APP: variants seen among roughly 807,000 people sequenced by gnomAD.
The protein encoded by APP is amyloid-beta precursor protein.
APP carries 31 observed loss-of-function variants against 101.4 expected under a neutral mutation model. The ratio of observed to expected loss-of-function variants is 0.31; its 90% CI spans 0.23 to 0.41. The LOEUF (loss-of-function observed/expected upper bound fraction) is 0.41, where lower values mean the gene tolerates loss of function less well. Ranked by LOEUF, APP falls within the 10% of genes least tolerant of loss-of-function variation. APP has a pLI of 1.00. For missense variants in APP, 839 were observed against 1,003.7 expected (o/e 0.84, Z 2.22); for synonymous variants, 366 against 364.4 (o/e 1.00, Z -0.05).
At chr21:26,076,458 G>A (rs1300909095) in intron 3 of APP, among the ~76,000 whole-genome samples, 2 of 152,160 alleles carry the variant, frequency 1.3e-5, no homozygotes, top group East Asian at 3.9e-4. Flanking sequence ...ATCACATTGA[G>A]TTTGAAGTTC....
At chr21:25,967,064 A>G (rs564149704) in intron 11 of APP, among the ~76,000 whole-genome samples, 1 of 152,334 alleles carries the variant, frequency 6.6e-6, no homozygotes, top group South Asian at 2.1e-4. Context: ...CTCTTTAATG[A>G]AGAGTCTCAC....
rs1002908302 is a variant in APP at position 26,026,014 on chromosome 21, C to A, written c.663-3972G>T. Among the ~76,000 whole-genome samples, 5 of 152,326 alleles carry A rather than the reference C, an allele frequency of 3.3e-5. No homozygotes were observed. In the South Asian group the frequency reaches 6.2e-4, roughly 19 times the overall value. ...AGAAACACTGAAAGGAAAAAAATGA[C>A]TTTTCCACCACTTCTTCAAATGCTG... is the stretch of plus-strand genomic sequence containing the variant. On this transcript the variant is annotated intron_variant, in intron 5 of 17. Transcript: ENST00000346798.
intron 1 of APP, among the ~76,000 whole-genome samples, chr21:26,166,969 G>A (rs1320732934): frequency 6.7e-6 from 1 of 149,018 alleles, no homozygotes; most frequent in East Asian, 2.0e-4. Context: ...TGTCTGTCTG[G>A]TAGAGGCAGA....
At chr21:26,147,959 C>A (rs2830092) in intron 1 of APP, among the ~76,000 whole-genome samples, 14,222 of 152,006 alleles carry the variant, frequency 0.094, 895 homozygotes, top group Admixed American at 0.15. Flanking sequence ...ACCAAAGATA[C>A]ACAGTGATTT....
intron 14 of APP, among the ~76,000 whole-genome samples, chr21:25,907,401 AGT>A (rs2038849661): frequency 6.6e-6 from 1 of 152,236 alleles, no homozygotes; most frequent in Non-Finnish European, 1.5e-5. Flanking sequence ...AAAACAAAGT[AGT>A]GTGTTATTTC....
In APP at chr21:25,915,148, C is replaced by T. The variant is rs538642167; in HGVS notation, c.1688-3186G>A. On this transcript the variant is annotated intron_variant, in intron 13 of 17. Coordinates refer to ENST00000346798, the MANE Select transcript of APP (RefSeq NM_000484.4). Reference sequence around the variant, plus strand: ...TTTCTAGCCATGGAACTCACAGCTCCAGCTGTCTACACCACACCTCTCTCT... The same window carrying T: ...TTTCTAGCCATGGAACTCACAGCTCTAGCTGTCTACACCACACCTCTCTCT... Among the ~76,000 whole-genome samples the T allele has an allele frequency of 2.6e-4, 40 of 152,340 alleles. 2 individuals are homozygous for T. In the South Asian group the frequency reaches 7.7e-3, roughly 29 times the overall value.
At chr21:25,982,237 T>C in intron 9 of APP, 107 bp downstream of exon 9, 1 of 1,257,972 alleles carries the variant, frequency 7.9e-7, no homozygotes, top group Admixed American at 1.7e-5. Context: ...GAACTTTACA[T>C]CTTTAAAGAT....
chr21:26,003,773 T>G (rs1392673688), intron 6 of APP, among the ~76,000 whole-genome samples: 1 of 152,144 alleles, frequency 6.6e-6, no homozygotes, highest in African/African-American at 2.4e-5. Flanking sequence ...TTCCCCCAAT[T>G]GTCAGCAACC....
intron 17 of APP, among the ~76,000 whole-genome samples, chr21:25,885,956 C>G (rs1325971346): frequency 6.6e-6 from 1 of 152,056 alleles, no homozygotes; most frequent in Admixed American, 6.6e-5. Flanking sequence ...GGTGTGTGAG[C>G]TTGGAGGAGA....
At chr21:26,044,806 T>C (rs1436948273) in intron 5 of APP, among the ~76,000 whole-genome samples, 2 of 152,214 alleles carry the variant, frequency 1.3e-5, no homozygotes, top group Non-Finnish European at 2.9e-5. Flanking sequence ...CCCAAAGTGC[T>C]GGGATTACAG....
intron 11 of APP, among the ~76,000 whole-genome samples, chr21:25,970,849 C>T (rs970923593): frequency 2.0e-5 from 3 of 152,026 alleles, no homozygotes; most frequent in Non-Finnish European, 2.9e-5. Context: ...TTAACGGCTC[C>T]TCATGGCTTT....
At chr21:26,120,050 T>G (rs2062530351) in intron 1 of APP, among the ~76,000 whole-genome samples, 1 of 152,340 alleles carries the variant, frequency 6.6e-6, no homozygotes, top group African/African-American at 2.4e-5. Flanking sequence ...TACTGTTTTA[T>G]ATCAAATGTA....
chr21:25,941,790 T>C (rs1020905715), intron 13 of APP: 18 of 152,212 alleles, frequency 1.2e-4, no homozygotes. Flanking sequence ...TATGATTTAA[T>C]AGCCAGCAGC....
intron 9 of APP, among the ~76,000 whole-genome samples, chr21:25,980,196 T>A (rs1311542938): frequency 1.3e-5 from 2 of 152,132 alleles, no homozygotes; most frequent in African/African-American, 4.8e-5. Context: ...GAAGAGGTGG[T>A]AGGAAGACCA....
At chr21:25,952,491 A>G (rs181981041) in intron 13 of APP, among the ~76,000 whole-genome samples, 11 of 152,182 alleles carry the variant, frequency 7.2e-5, no homozygotes, top group Admixed American at 2.0e-4. Context: ...GCATTTCGTA[A>G]TATTCAAGAT....
At chr21:25,934,683 C>G (rs927395454) in intron 13 of APP, 20 of 152,332 alleles carry the variant, frequency 1.3e-4, no homozygotes, top group African/African-American at 4.8e-4. Flanking sequence ...ATCCATCTGC[C>G]TCGGTCTCCC....
At chr21:25,954,219 C>T (rs2041212623) in intron 13 of APP, among the ~76,000 whole-genome samples, 1 of 152,170 alleles carries the variant, frequency 6.6e-6, no homozygotes, top group African/African-American at 2.4e-5. Flanking sequence ...ACAATCGTGA[C>T]ACTCAAAAGA....
At chr21:26,125,256 C>T (rs1196012723) in intron 1 of APP, among the ~76,000 whole-genome samples, 2 of 152,156 alleles carry the variant, frequency 1.3e-5, no homozygotes, top group Admixed American at 6.5e-5. Flanking sequence ...GAGGAGGATG[C>T]GGGGGCCCCA....
intron 15 of APP, 89 bp downstream of exon 15, chr21:25,904,935 G>A: frequency 2.6e-6 from 3 of 1,165,624 alleles, no homozygotes; most frequent in Non-Finnish European, 3.8e-6. Context: ...AAGTACAATT[G>A]AGAGAGGCTT....
Sources: gnomAD v4.1 joint callset for allele counts (sites outside exome capture counted in the v4.1 genomes callset) on GRCh38, gnomAD v4.1.1 for gene constraint, MANE v1.5 for transcripts, NCBI Gene and HGNC (gene_info 2026-07-23, HGNC 2026-07-21) for gene names.